The following NRIP1 variants were observed in gnomAD, a reference collection of about 807,000 sequenced individuals.
The protein encoded by NRIP1 is nuclear receptor-interacting protein 1.
In NRIP1, 28 loss-of-function variants were observed where a neutral mutation model predicts 75.0. That is an observed-to-expected ratio of 0.37 (90% CI 0.28 to 0.51). NRIP1 has a LOEUF of 0.51. Among genes scored for constraint, NRIP1 ranks in the 20% least tolerant of loss-of-function variants. The pLI, the probability that NRIP1 is intolerant of heterozygous loss-of-function variation, is 0.92. For synonymous variants in NRIP1, 526 were observed against 487.6 expected, an observed-to-expected ratio of 1.08 and a Z score of -1.04; for missense variants, 1,435 against 1,343.7, an observed-to-expected ratio of 1.07 and a Z score of -1.06.
chr21:15,050,599 G>T, intron 1 of NRIP1: 1 of 377,158 alleles, frequency 2.7e-6, no homozygotes, highest in Admixed American at 3.3e-5. Context: ...GAAAGAAATA[G>T]GTTAGAGTCT....
chr21:15,023,129 T>TA lies in NRIP1; in HGVS notation c.-457-8664dup, dbSNP rs199804293. Among the ~76,000 whole-genome samples, 25 of 152,190 alleles carry TA rather than the reference T, an allele frequency of 1.6e-4. No homozygotes were observed. In the South Asian group the frequency reaches 1.7e-3, roughly 10 times the overall value. ...GCTCCTTTTAAGATCATGAAACTGT[T>TA]AAAAAAAGACTGTGGTGTTGGTTAC... On this transcript the variant is annotated intron_variant, in intron 2 of 3. Coordinates refer to ENST00000318948, the MANE Select transcript of NRIP1 (RefSeq NM_003489.4).
At chr21:15,008,256 A>G (rs1223895828) in intron 3 of NRIP1, among the ~76,000 whole-genome samples, 1 of 152,208 alleles carries the variant, frequency 6.6e-6, no homozygotes, top group Non-Finnish European at 1.5e-5. Context: ...GATCAGGTTG[A>G]GGCAAGTGGA....
chr21:15,050,736 G>A (rs2089182572), intron 1 of NRIP1: 1 of 455,936 alleles, frequency 2.2e-6, no homozygotes, highest in Admixed American at 2.4e-5. Context: ...CTTTCTGGCT[G>A]GGAAGAGATT....
chr21:15,026,314 A>G (rs1052017032), intron 2 of NRIP1, among the ~76,000 whole-genome samples: 3 of 152,250 alleles, frequency 2.0e-5, no homozygotes, highest in Non-Finnish European at 4.4e-5. Context: ...TATCACACAG[A>G]AAAGTAAATC....
At chr21:15,050,581 T>C in intron 1 of NRIP1, 1 of 366,808 alleles carries the variant, frequency 2.7e-6, no homozygotes, top group Non-Finnish European at 5.4e-6. Flanking sequence ...TTAACAACTT[T>C]CAATGAAGAA....
At chr21:15,010,117 C>A (rs1207388903) in intron 3 of NRIP1, among the ~76,000 whole-genome samples, 2 of 152,038 alleles carry the variant, frequency 1.3e-5, no homozygotes, top group African/African-American at 4.8e-5. Flanking sequence ...TACTCATATA[C>A]CTCTAATCCA....
At chr21:15,032,917 C>T (rs2088741274) in intron 2 of NRIP1, among the ~76,000 whole-genome samples, 1 of 152,166 alleles carries the variant, frequency 6.6e-6, no homozygotes, top group Non-Finnish European at 1.5e-5. Flanking sequence ...TAATGGGCCA[C>T]TGAGAAAGCT....
chr21:15,061,085 A>C (rs960460061), intron 1 of NRIP1, among the ~76,000 whole-genome samples: 2 of 152,212 alleles, frequency 1.3e-5, no homozygotes, highest in Non-Finnish European at 2.9e-5. Context: ...ATGCAACTTG[A>C]ACCTTTTTAG....
chr21:14,965,763 A>G lies in NRIP1; in HGVS notation c.2430T>C (p.Asp810=). 1.9e-6 allele frequency: 3 copies of G among 1,614,014 alleles called. No homozygotes were observed. The highest frequency in any genetic ancestry group is 2.5e-6 in the Non-Finnish European group (3 of 1,179,968). ...GCAGACCATTCTTGGAGAAAGAAAA[A>G]TCCTGAGGTGAAACAGGCTCCGATT... ...DFKSEPVSPQ[D]FSFSKNGLLS... Residue 810 remains aspartate, a synonymous_variant, in exon 4 of 4, where the codon GAT becomes GAC. Coordinates refer to ENST00000318948, the MANE Select transcript of NRIP1 (RefSeq NM_003489.4).
chr21:14,992,606 T>C (rs1171838473), intron 3 of NRIP1: 1 of 152,058 alleles, frequency 6.6e-6, no homozygotes, highest in African/African-American at 2.4e-5. Flanking sequence ...CCAAGTAAGA[T>C]GTCCTCCCGC....
At chr21:14,998,865 A>C (rs1334973177) in intron 3 of NRIP1, among the ~76,000 whole-genome samples, 1 of 152,220 alleles carries the variant, frequency 6.6e-6, no homozygotes, top group Non-Finnish European at 1.5e-5. Flanking sequence ...CTTCTGGTCA[A>C]CAGTAGGCTA....
In NRIP1 at chr21:14,964,917, C is replaced by T. The variant is rs755658723; in HGVS notation, c.3276G>A (p.Glu1092=). Residue 1092 remains glutamate, a synonymous_variant, in exon 4 of 4, where the codon GAG becomes GAA. Transcript: ENST00000318948. ...GTGAGACACTTTCAGCAGATGAAGC[C>T]TCCCTCCAAATGTCCTTGTCTTGTG... ...RETQDKDIWR[E]ASSAESVSQV... 4 of 1,613,268 alleles carry T rather than the reference C, an allele frequency of 2.5e-6. No individual in the cohort carries two copies. The African/African-American group carries it at 5.3e-5, about 22-fold the overall frequency.
At chr21:14,971,107 A>G (rs1480672128) in intron 3 of NRIP1, among the ~76,000 whole-genome samples, 1 of 152,210 alleles carries the variant, frequency 6.6e-6, no homozygotes, top group East Asian at 1.9e-4. Flanking sequence ...CATTTCTTAC[A>G]TATGAAAACA....
chr21:15,044,283 C>T (rs1377755021), intron 1 of NRIP1, among the ~76,000 whole-genome samples: 1 of 150,980 alleles, frequency 6.6e-6, no homozygotes, highest in Non-Finnish European at 1.5e-5. Context: ...CATTTCTTTT[C>T]TGTACCACTA....
intron 3 of NRIP1, among the ~76,000 whole-genome samples, chr21:15,005,323 G>A (rs1331138998): frequency 6.6e-6 from 1 of 151,860 alleles, no homozygotes; most frequent in Non-Finnish European, 1.5e-5. Flanking sequence ...ACACACACCA[G>A]AAATCCGGGA....
At position 14,964,679 on chromosome 21, in the gene NRIP1, G is replaced by T. The variant is rs2086672900; in HGVS notation, c.*37C>A. On this transcript the variant is annotated 3_prime_UTR_variant, in exon 4 of 4. Coordinates refer to ENST00000318948, the MANE Select transcript of NRIP1 (RefSeq NM_003489.4). ...ACAGATCTCAAGTTCATACTCATTA[G>T]TTTTAAAAAGATCCAAAACTGGATG... 2 of 1,442,316 alleles carry T rather than the reference G, an allele frequency of 1.4e-6. No homozygotes were observed. The highest frequency in any genetic ancestry group is 4.6e-5 in the East Asian group (2 of 43,764). The allele number at this position is 1,442,316 out of a possible 1,614,324, so 89.3% of individuals were successfully genotyped here.
intron 3 of NRIP1, among the ~76,000 whole-genome samples, chr21:15,010,508 A>G (rs543915456): frequency 1.3e-4 from 20 of 152,366 alleles, no homozygotes; most frequent in African/African-American, 4.3e-4. Flanking sequence ...AGTTATATCA[A>G]TTAAGATACT....
chr21:14,971,715 ATTGTT>A (rs2086906935), intron 3 of NRIP1: 2 of 143,674 alleles, frequency 1.4e-5, no homozygotes, highest in South Asian at 2.2e-4. Flanking sequence ...TCTTCCAAAG[ATTGTT>A]TTAAGATTTT....
At chr21:15,038,239 T>G (rs934839172) in intron 2 of NRIP1, among the ~76,000 whole-genome samples, 1 of 152,092 alleles carries the variant, frequency 6.6e-6, no homozygotes, top group African/African-American at 2.4e-5. Context: ...TACCATAACT[T>G]GGTATGTCTT....
Sources: gnomAD v4.1 joint callset for allele counts (sites outside exome capture counted in the v4.1 genomes callset) on GRCh38, gnomAD v4.1.1 for gene constraint, MANE v1.5 for transcripts, NCBI Gene and HGNC (gene_info 2026-07-23, HGNC 2026-07-21) for gene names.